The following IL23R variants were observed in gnomAD, a reference collection of about 807,000 sequenced individuals.
IL23R encodes interleukin-23 receptor.
IL23R carries 34 observed loss-of-function variants against 56.9 expected under a neutral mutation model. That is an observed-to-expected ratio of 0.60 (90% CI 0.45 to 0.80). IL23R has a LOEUF of 0.80. IL23R is among the 30% of genes least tolerant of loss of function. The probability of loss-of-function intolerance (pLI) is 0.00; values close to 1 mark genes in which losing one functional copy is unlikely to be tolerated. For synonymous variants in IL23R, 230 were observed against 249.2 expected, an observed-to-expected ratio of 0.92 and a Z score of 0.73; for missense variants, 635 against 730.0, an observed-to-expected ratio of 0.87 and a Z score of 1.50.
intron 4 of IL23R, among the ~76,000 whole-genome samples, chr1:67,193,549 T>C (rs1334160044): frequency 6.6e-6 from 1 of 152,120 alleles, no homozygotes; most frequent in Admixed American, 6.6e-5. Context: ...TATATCTAGG[T>C]GCTCAGGGAA....
intron 7 of IL23R, 66 bp from the exon 8 acceptor site, chr1:67,236,647 C>A: frequency 3.1e-6 from 3 of 982,234 alleles, no homozygotes; most frequent in Non-Finnish European, 5.0e-6. Flanking sequence ...GAAGAAACTC[C>A]GTTGGGAAAT....
intron 6 of IL23R, among the ~76,000 whole-genome samples, chr1:67,207,420 C>A (rs1649150976): frequency 6.6e-6 from 1 of 152,198 alleles, no homozygotes. Flanking sequence ...TCCATGAGTA[C>A]CTGATATGAT....
At chr1:67,182,584 C>T (rs556763339) in intron 3 of IL23R, among the ~76,000 whole-genome samples, 14 of 152,282 alleles carry the variant, frequency 9.2e-5, no homozygotes, top group East Asian at 5.8e-4. Flanking sequence ...TTGCACTTCC[C>T]GGGTGAGGCA....
chr1:67,165,874 T>G (rs1646868768), upstream of IL23R, among the ~76,000 whole-genome samples: 1 of 152,226 alleles, frequency 6.6e-6, no homozygotes, highest in Admixed American at 6.5e-5. Context: ...GATGAGTAAG[T>G]TCAGGAGATC....
At chr1:67,165,781 T>A (rs915926001), upstream of IL23R, among the ~76,000 whole-genome samples, 1 of 152,048 alleles carries the variant, frequency 6.6e-6, no homozygotes, top group Admixed American at 6.5e-5. Context: ...TAAAAACAGA[T>A]GATAGAATGG....
chr1:67,198,855 G>A (rs1446240729), intron 4 of IL23R, among the ~76,000 whole-genome samples: 1 of 152,158 alleles, frequency 6.6e-6, no homozygotes, highest in African/African-American at 2.4e-5. Flanking sequence ...TGGGGTGGGA[G>A]GATCACTCGA....
chr1:67,191,967 C>T (rs1449998961), intron 4 of IL23R, among the ~76,000 whole-genome samples: 1 of 102,340 alleles, frequency 9.8e-6, no homozygotes, highest in Non-Finnish European at 2.2e-5. Flanking sequence ...ATTTTGTCAG[C>T]CTAAAAAAAG....
At chr1:67,205,941 C>CTTTCTT (rs369567382) in intron 5 of IL23R, among the ~76,000 whole-genome samples, 1 of 83,898 alleles carries the variant, frequency 1.2e-5, no homozygotes, top group East Asian at 3.7e-4. Context: ...TTCTTTCTTT[C>CTTTCTT]TCTTTTTTTT....
chr1:67,245,442 G>T (rs371618402), intron 9 of IL23R, among the ~76,000 whole-genome samples: 1 of 152,144 alleles, frequency 6.6e-6, no homozygotes, highest in Non-Finnish European at 1.5e-5. Context: ...ATTGTCTGTG[G>T]GTTTGTCATA....
At chr1:67,141,903 G>T (rs1291762081) in intron 1 of IL23R, among the ~76,000 whole-genome samples, 2 of 152,162 alleles carry the variant, frequency 1.3e-5, no homozygotes, top group Non-Finnish European at 2.9e-5. Flanking sequence ...GGGGAGATTT[G>T]TGCAGGGGGA....
downstream of IL23R, among the ~76,000 whole-genome samples, chr1:67,264,530 TATAAC>T (rs202206949): frequency 0.016 from 2,451 of 152,304 alleles, 19 homozygotes; most frequent in Middle Eastern, 0.027. Flanking sequence ...ATGAAAACAA[TATAAC>T]ATAATTGGGT....
Position 67,197,866 on chromosome 1 carries a change from G to A in IL23R, c.492-2871G>A, listed in dbSNP as rs116236655. 2.3e-3 allele frequency among the ~76,000 whole-genome samples: 354 copies of A among 152,158 alleles called. 2 individuals are homozygous for A. Among genetic ancestry groups the A allele is most frequent in the African/African-American group, 8.2e-3 (341 of 41,502 alleles). Reference sequence around the variant, plus strand: ...TGGGAGGACCTCCTGAGCCTGGGAGGTCAAGACTGCAGTGAGCTGTGGCCA... The same window carrying A: ...TGGGAGGACCTCCTGAGCCTGGGAGATCAAGACTGCAGTGAGCTGTGGCCA... On this transcript the variant is annotated intron_variant, in intron 4 of 10. Transcript: ENST00000347310.
chr1:67,186,348 A>T (rs1647332029), intron 4 of IL23R, among the ~76,000 whole-genome samples: 1 of 152,124 alleles, frequency 6.6e-6, no homozygotes, highest in Non-Finnish European at 1.5e-5. Context: ...ATAACCCTTT[A>T]TTAAGTATAA....
intron 4 of IL23R, among the ~76,000 whole-genome samples, chr1:67,189,913 C>T (rs140346891): frequency 7.2e-5 from 11 of 152,004 alleles, no homozygotes; most frequent in Admixed American, 1.3e-4. Flanking sequence ...CCAGCCTGGG[C>T]GACTTAGCCA....
intron 7 of IL23R, among the ~76,000 whole-genome samples, chr1:67,228,217 A>T (rs1206098090): frequency 1.7e-5 from 2 of 116,382 alleles, no homozygotes; most frequent in Non-Finnish European, 3.5e-5. Context: ...TTTTTTAGAC[A>T]GGGTCTCTCT....
At chr1:67,241,029 C>G (rs1651813636) in intron 9 of IL23R, among the ~76,000 whole-genome samples, 1 of 152,226 alleles carries the variant, frequency 6.6e-6, no homozygotes, top group Non-Finnish European at 1.5e-5. Context: ...GTTAGGTTTT[C>G]AATCTTGTCT....
intron 3 of IL23R, among the ~76,000 whole-genome samples, chr1:67,172,609 G>A (rs1289684806): frequency 6.6e-6 from 1 of 152,092 alleles, no homozygotes; most frequent in Non-Finnish European, 1.5e-5. Context: ...ATTAAACCAT[G>A]CACAGTCATG....
At chr1:67,189,819 C>T (rs182235715) in intron 4 of IL23R, among the ~76,000 whole-genome samples, 89 of 152,054 alleles carry the variant, frequency 5.9e-4, no homozygotes, top group Middle Eastern at 6.8e-3. Context: ...ACTAGCCAGG[C>T]GTGTTGGCGG....
chr1:67,183,670 AG>A (rs1185261228), intron 4 of IL23R, among the ~76,000 whole-genome samples: 1 of 152,136 alleles, frequency 6.6e-6, no homozygotes, highest in Non-Finnish European at 1.5e-5. Flanking sequence ...CATAACACAC[AG>A]GTTTGTTCTA....
Sources: gnomAD v4.1 joint callset for allele counts (sites outside exome capture counted in the v4.1 genomes callset) on GRCh38, gnomAD v4.1.1 for gene constraint, MANE v1.5 for transcripts, NCBI Gene and HGNC (gene_info 2026-07-23, HGNC 2026-07-21) for gene names.